Variants in PDE5A observed in about 807,000 individuals in gnomAD.
The protein encoded by PDE5A is cGMP-specific 3',5'-cyclic phosphodiesterase.
A neutral mutation model predicts 110.2 loss-of-function variants in PDE5A; 67 were observed. That is an observed-to-expected ratio of 0.61 (90% CI 0.50 to 0.75). The LOEUF is 0.75. Among genes scored for constraint, PDE5A ranks in the 30% least tolerant of loss-of-function variants. The pLI, the probability that PDE5A is intolerant of heterozygous loss-of-function variation, is 0.00. For synonymous variants in PDE5A, 328 were observed against 351.2 expected, an observed-to-expected ratio of 0.93 and a Z score of 0.74; for missense variants, 862 against 1,045.1, an observed-to-expected ratio of 0.82 and a Z score of 2.42.
intron 1 of PDE5A, among the ~76,000 whole-genome samples, chr4:119,613,093 T>A (rs1729813187): frequency 6.6e-6 from 1 of 152,176 alleles, no homozygotes; most frequent in Non-Finnish European, 1.5e-5. Flanking sequence ...TTCAAAAAAC[T>A]AGTTTAGGGA....
chr4:119,614,505 ACTAGTAAGTTCCAGGCT>A (rs751534849), intron 1 of PDE5A, among the ~76,000 whole-genome samples: 47 of 152,286 alleles, frequency 3.1e-4, no homozygotes, highest in Non-Finnish European at 6.0e-4. Context: ...TATGCAGCAT[ACTAGTAAGTTCCAGGCT>A]ATCAAATCGC....
At chr4:119,557,395 G>A (rs1280391076) in intron 7 of PDE5A, among the ~76,000 whole-genome samples, 1 of 152,046 alleles carries the variant, frequency 6.6e-6, no homozygotes, top group African/African-American at 2.4e-5. Flanking sequence ...TCTAATCTTG[G>A]CATCTGTTTC....
chr4:119,519,448 A>T (rs1185216013), intron 13 of PDE5A: 3 of 263,512 alleles, frequency 1.1e-5, no homozygotes, highest in Non-Finnish European at 2.1e-5. Context: ...ATCATAATAA[A>T]CTTTAAATAA....
intron 1 of PDE5A, among the ~76,000 whole-genome samples, chr4:119,626,883 A>C (rs1176433057): frequency 6.6e-6 from 1 of 152,176 alleles, no homozygotes; most frequent in Non-Finnish European, 1.5e-5. Context: ...CCTGAAAGTG[A>C]CTAAATTGAC....
chr4:119,563,264 G>A (rs535848596), intron 5 of PDE5A, among the ~76,000 whole-genome samples: 1 of 152,082 alleles, frequency 6.6e-6, no homozygotes, highest in Non-Finnish European at 1.5e-5. Flanking sequence ...GGATATTAAT[G>A]ACATTAAAAT....
rs115207964 is a variant in PDE5A at position 119,545,870 on chromosome 4, C to T, written c.1397-3236G>A. 4.1e-3 allele frequency among the ~76,000 whole-genome samples: 619 copies of T among 152,234 alleles called. 6 individuals carry two copies. Among genetic ancestry groups the T allele is most frequent in the African/African-American group, 0.014 (594 of 41,550 alleles). ...TGCCTTATTAAAATGTAAAACGAAC[C>T]TTTATCACCTATCTTGCAAATACTT... is the stretch of plus-strand genomic sequence containing the variant. On this transcript the variant is annotated intron_variant, in intron 9 of 20. Transcript: ENST00000354960.
chr4:119,615,980 A>G (rs867214867), intron 1 of PDE5A, among the ~76,000 whole-genome samples: 1 of 152,176 alleles, frequency 6.6e-6, no homozygotes, highest in Non-Finnish European at 1.5e-5. Flanking sequence ...CATCACATCC[A>G]TATCTTCCTC....
intron 16 of PDE5A, 75 bp downstream of exon 16, chr4:119,507,529 A>C (rs1245353721): frequency 4.1e-6 from 4 of 974,448 alleles, no homozygotes; most frequent in African/African-American, 1.7e-5. Flanking sequence ...GAAATTTCTC[A>C]ATATGGATGT....
At chr4:119,521,129 C>A in intron 12 of PDE5A, 69 bp from the exon 13 acceptor site, 1 of 1,445,928 alleles carries the variant, frequency 6.9e-7, no homozygotes, top group Non-Finnish European at 9.5e-7. Flanking sequence ...ATGTTCCAGA[C>A]ACTACAAAGC....
chr4:119,533,183 A>G (rs575271687), intron 11 of PDE5A, among the ~76,000 whole-genome samples: 1 of 152,254 alleles, frequency 6.6e-6, no homozygotes, highest in South Asian at 2.1e-4. Flanking sequence ...TCCATTTTTA[A>G]AGAAATTATT....
At chr4:119,589,247 A>G (rs1192061270) in intron 3 of PDE5A, among the ~76,000 whole-genome samples, 12 of 151,984 alleles carry the variant, frequency 7.9e-5, no homozygotes, top group Admixed American at 5.9e-4. Context: ...TCCTCCCCAA[A>G]TAATCTAGAG....
At chr4:119,500,837 T>TTTA in intron 20 of PDE5A, 1 of 172,936 alleles carries the variant, frequency 5.8e-6, no homozygotes, top group African/African-American at 2.4e-5. Context: ...ATTACTTTTC[T>TTTA]TTATTTAGGC....
At chr4:119,593,858 T>C (rs1158299752) in intron 3 of PDE5A, among the ~76,000 whole-genome samples, 2 of 152,090 alleles carry the variant, frequency 1.3e-5, no homozygotes, top group African/African-American at 2.4e-5. Flanking sequence ...CTTACAATCA[T>C]GGCAGAAGGC....
chr4:119,610,789 T>C (rs1219073763), intron 1 of PDE5A, among the ~76,000 whole-genome samples: 1 of 152,182 alleles, frequency 6.6e-6, no homozygotes, highest in Non-Finnish European at 1.5e-5. Context: ...AATCTGCTTA[T>C]TTCTATCTCC....
intron 1 of PDE5A, among the ~76,000 whole-genome samples, chr4:119,608,221 A>C (rs988713746): frequency 7.9e-5 from 12 of 152,342 alleles, no homozygotes; most frequent in African/African-American, 2.9e-4. Context: ...TGACTATTTT[A>C]AAGTAGGCTT....
chr4:119,509,708 AAAAC>A (rs1436336978), intron 15 of PDE5A, among the ~76,000 whole-genome samples: 2 of 152,072 alleles, frequency 1.3e-5, no homozygotes, highest in African/African-American at 4.8e-5. Flanking sequence ...ATGTTGTAGA[AAAAC>A]AATCTGTACT....
At chr4:119,599,712 TACACACACACAC>T (rs3056797) in intron 2 of PDE5A, among the ~76,000 whole-genome samples, 58 of 147,348 alleles carry the variant, frequency 3.9e-4, no homozygotes, top group East Asian at 1.6e-3. Flanking sequence ...CAAGTGTGTA[TACACACACACAC>T]ACACACACAC....
chr4:119,620,296 C>T (rs1047901832), intron 1 of PDE5A, among the ~76,000 whole-genome samples: 5 of 152,008 alleles, frequency 3.3e-5, no homozygotes. Flanking sequence ...AAGAGTCTGC[C>T]CAAAGTTATT....
chr4:119,627,326 G>A lies in PDE5A; in HGVS notation c.152+1194C>T. 1 of 1,162,520 alleles carries A rather than the reference G, an allele frequency of 8.6e-7. No homozygotes were observed. Among genetic ancestry groups the A allele is most frequent in the Admixed American group, 4.2e-5 (1 of 23,750 alleles). The allele number at this position is 1,162,520 out of a possible 1,614,324, so 72.0% of individuals were successfully genotyped here. A position where few individuals can be genotyped will look rare whatever the true frequency, so the allele number is the denominator to read the frequency against. ...CCCGGCCTCCGCGCCGCCGCCCGTC[G>A]CCTCCCGCTCGCCCCGCGCTGCGCC... On this transcript the variant is annotated intron_variant, in intron 1 of 20. Coordinates refer to ENST00000354960, the MANE Select transcript of PDE5A (RefSeq NM_001083.4). The surrounding 1 kb of genome is among the most constrained non-coding windows in gnomAD (Gnocchi z 4.6).
Sources: gnomAD v4.1 joint callset for allele counts (sites outside exome capture counted in the v4.1 genomes callset) on GRCh38, gnomAD v4.1.1 for gene constraint, Gnocchi (gnomAD v3.1) non-coding constraint, MANE v1.5 for transcripts, NCBI Gene and HGNC (gene_info 2026-07-23, HGNC 2026-07-21) for gene names.